Variants in MTRF1L observed in about 807,000 individuals in gnomAD.
The protein encoded by MTRF1L is peptide chain release factor 1-like, mitochondrial.
In MTRF1L, 29 loss-of-function variants were observed where a neutral mutation model predicts 40.0. The ratio of observed to expected loss-of-function variants is 0.73; its 90% CI spans 0.54 to 0.99. MTRF1L has a LOEUF of 0.99. MTRF1L is among the 50% of genes least tolerant of loss of function. The pLI, the probability that MTRF1L is intolerant of heterozygous loss-of-function variation, is 0.00. For missense variants in MTRF1L, 412 were observed against 464.5 expected (o/e 0.89, Z 1.04); for synonymous variants, 150 against 175.8 (o/e 0.85, Z 1.16).
intron 1 of MTRF1L, among the ~76,000 whole-genome samples, chr6:153,000,919 G>T (rs1378702687): frequency 8.4e-5 from 12 of 143,428 alleles, no homozygotes; most frequent in Admixed American, 2.9e-4. Flanking sequence ...TGTCACCCAG[G>T]CTGGAATGCA....
At chr6:152,999,495 A>G (rs1293549988) in intron 1 of MTRF1L, among the ~76,000 whole-genome samples, 2 of 152,198 alleles carry the variant, frequency 1.3e-5, no homozygotes, top group East Asian at 3.8e-4. Context: ...AAAACAAAAA[A>G]TAACCTAAAC....
At chr6:153,002,353 G>C in intron 1 of MTRF1L, 74 bp downstream of exon 1, 1 of 1,607,994 alleles carries the variant, frequency 6.2e-7, no homozygotes, top group Non-Finnish European at 8.5e-7. Context: ...AACTCGGGTA[G>C]TGTGGGCAGT....
intron 1 of MTRF1L, among the ~76,000 whole-genome samples, chr6:153,000,183 ATAATCTCT>A (rs755406387): frequency 3.4e-4 from 51 of 152,228 alleles, no homozygotes; most frequent in Non-Finnish European, 6.6e-4. Context: ...TCTGAGCTGG[ATAATCTCT>A]AAGGTGCCTT....
chr6:152,989,983 C>T lies in MTRF1L; in HGVS notation c.1055G>A (p.Gly352Glu). Residue 352 changes from glycine to glutamate, a missense_variant, in exon 7 of 7, where the codon GGA becomes GAA. Gly to Glu is a moderately conservative substitution (Grantham distance 98). Coordinates refer to ENST00000367233, the MANE Select transcript of MTRF1L (RefSeq NM_019041.7). Reference protein sequence around the residue: ...TLHDLETFMQGDYLLDELVQS... With the variant: ...TLHDLETFMQEDYLLDELVQS... ...TACAAGTTCATCCAGTAGATAATCT[C>T]CTTGCATAAAAGTTTCAAGATCATG... 1 of 1,613,680 alleles carries T rather than the reference C, an allele frequency of 6.2e-7. No individual in the cohort carries two copies. The highest frequency in any genetic ancestry group is 8.5e-7 in the Non-Finnish European group (1 of 1,179,810).
In MTRF1L at chr6:152,998,642, G is replaced by C; in HGVS notation, c.260-13C>G. 1.3e-6 allele frequency: 2 copies of C among 1,570,512 alleles called. No individual in the cohort carries two copies. Among genetic ancestry groups the C allele is most frequent in the Non-Finnish European group, 1.7e-6 (2 of 1,158,602 alleles). ...TCTTCATTCTCATCTAGGAAAAAAA[G>C]GGCAGAAGTTAAGGTTTTCCTTAAT... On this transcript the variant is annotated splice_polypyrimidine_tract_variant and intron_variant, in intron 1 of 6. Coordinates refer to ENST00000367233, the MANE Select transcript of MTRF1L (RefSeq NM_019041.7).
intron 5 of MTRF1L, among the ~76,000 whole-genome samples, 170 bp downstream of exon 5, chr6:152,992,687 G>T (rs565980710): frequency 5.3e-5 from 8 of 152,156 alleles, no homozygotes; most frequent in Non-Finnish European, 1.0e-4. Flanking sequence ...TCGCCTTGCA[G>T]TTATCCCACG....
chr6:152,997,524 G>A (rs190354807), intron 2 of MTRF1L, among the ~76,000 whole-genome samples: 1 of 152,244 alleles, frequency 6.6e-6, no homozygotes, highest in Admixed American at 6.5e-5. Context: ...TGGAGACAAA[G>A]TACAATCAAA....
Position 152,989,813 on chromosome 6 carries a change from A to G in MTRF1L, c.*82T>C. On this transcript the variant is annotated 3_prime_UTR_variant, in exon 7 of 7. Transcript: ENST00000367233. Reference sequence around the variant, plus strand: ...AACTGTGTTAACTCAACGTTTTTCAAGAGAGTAAGGGTACTTTCACCCTAT... The same window carrying G: ...AACTGTGTTAACTCAACGTTTTTCAGGAGAGTAAGGGTACTTTCACCCTAT... 6.9e-7 allele frequency: 1 copy of G among 1,449,602 alleles called. No homozygotes were observed. The highest frequency in any genetic ancestry group is 9.2e-7 in the Non-Finnish European group (1 of 1,090,542). The allele number at this position is 1,449,602 out of a possible 1,614,324, so 89.8% of individuals were successfully genotyped here.
intron 4 of MTRF1L, among the ~76,000 whole-genome samples, chr6:152,993,679 AGT>A (rs974312216): frequency 1.6e-4 from 25 of 152,326 alleles, no homozygotes; most frequent in Non-Finnish European, 2.5e-4. Flanking sequence ...CATGGACCTC[AGT>A]CTCTCATCTT....
chr6:153,002,636 C>A lies in MTRF1L; in HGVS notation c.50G>T (p.Arg17Leu). Reference sequence around the variant, plus strand: ...GGGCCGGCGGGCTGGGCCAACGGCCCGGCGGGGCCAGAGCCACCGGGCAGC... The same window carrying A: ...GGGCCGGCGGGCTGGGCCAACGGCCAGGCGGGGCCAGAGCCACCGGGCAGC... The part of the protein sequence containing the change: ...WGAARWLWPR[R>L]AVGPARRPLS... The change falls in exon 1 of 7, where the codon CGG becomes CTG. Residue 17 changes from arginine to leucine, a missense_variant. By Grantham distance (102) the Arg-to-Leu change is moderately radical. Coordinates refer to ENST00000367233, the MANE Select transcript of MTRF1L (RefSeq NM_019041.7). The A allele has an allele frequency of 6.5e-7, 1 of 1,526,766 alleles. No homozygotes were observed. The highest frequency in any genetic ancestry group is 8.8e-7 in the Non-Finnish European group (1 of 1,138,638). 94.6% of individuals were successfully genotyped at this position (1,526,766 alleles called of 1,614,324 possible). A position where few individuals can be genotyped will look rare whatever the true frequency, so the allele number is the denominator to read the frequency against.
intron 1 of MTRF1L, chr6:152,998,871 A>T: frequency 3.9e-6 from 1 of 254,508 alleles, no homozygotes; most frequent in South Asian, 1.0e-4. Context: ...GATAAAGTAC[A>T]AGTACAAATT....
chr6:152,997,113 G>A (rs562770362), intron 2 of MTRF1L, among the ~76,000 whole-genome samples: 1 of 152,210 alleles, frequency 6.6e-6, no homozygotes, highest in South Asian at 2.1e-4. Context: ...AAGTTTATGG[G>A]GATGATGCCC....
At chr6:152,993,069 A>C (rs1466205863) in intron 4 of MTRF1L, 95 bp from the exon 5 acceptor site, 7 of 860,936 alleles carry the variant, frequency 8.1e-6, no homozygotes, top group Non-Finnish European at 1.3e-5. Flanking sequence ...CATGTACAGA[A>C]TTCATATATT....
chr6:152,999,311 G>A (rs1192701631), intron 1 of MTRF1L, among the ~76,000 whole-genome samples: 9 of 152,116 alleles, frequency 5.9e-5, no homozygotes, highest in Non-Finnish European at 1.3e-4. Flanking sequence ...AAAATTTCTG[G>A]CTATTAACAA....
intron 4 of MTRF1L, among the ~76,000 whole-genome samples, chr6:152,993,420 G>A (rs1778599839): frequency 6.6e-6 from 1 of 152,170 alleles, no homozygotes; most frequent in African/African-American, 2.4e-5. Context: ...AGGCAAAGAT[G>A]AGCCAAATGG....
intron 1 of MTRF1L, among the ~76,000 whole-genome samples, chr6:153,001,479 C>G (rs1210504740): frequency 2.6e-5 from 4 of 152,180 alleles, no homozygotes; most frequent in African/African-American, 4.8e-5. Context: ...TAGACTAGTA[C>G]AGATATCTTT....
rs930884692 is a variant in MTRF1L at position 152,990,272 on chromosome 6, T to C, written c.943-177A>G. The C allele has an allele frequency of 4.3e-6, 4 of 924,102 alleles. No individual in the cohort carries two copies. The African/African-American group carries it at 6.7e-5, about 16-fold the overall frequency. The allele number at this position is 924,102 out of a possible 1,614,324, so 57.2% of individuals were successfully genotyped here. On this transcript the variant is annotated intron_variant, in intron 6 of 6. Transcript: ENST00000367233. ...AACATGATATAGAAAAAAGAACACGTGCTCTAAAATCAGATTAATATCTGA... is the reference window on the plus strand; with the variant it reads ...AACATGATATAGAAAAAAGAACACGCGCTCTAAAATCAGATTAATATCTGA...
chr6:152,988,893 TGACA>T lies in MTRF1L; in HGVS notation c.*998_*1001del. 9.1e-6 allele frequency: 1 copy of T among 109,902 alleles called. No individual in the cohort carries two copies. The highest frequency in any genetic ancestry group is 1.8e-5 in the Non-Finnish European group (1 of 55,602). The allele number at this position is 109,902 out of a possible 1,614,324, so 6.8% of individuals were successfully genotyped here. On this transcript the variant is annotated 3_prime_UTR_variant, in exon 7 of 7. Coordinates refer to ENST00000367233, the MANE Select transcript of MTRF1L (RefSeq NM_019041.7). ...TTAAGGAAGTTTGTCTGGAGAATCT[TGACA>T]AACACAAACATCTACTGAGAGTTCC...
At chr6:152,992,811 A>G in intron 5 of MTRF1L, 46 bp downstream of exon 5, 8 of 1,440,188 alleles carry the variant, frequency 5.6e-6, no homozygotes, top group African/African-American at 1.4e-5. Flanking sequence ...ATATTATTCC[A>G]AAATTGATTT....
Sources: allele counts gnomAD v4.1 joint callset (sites outside exome capture counted in the v4.1 genomes callset), GRCh38; gene constraint gnomAD v4.1.1; transcripts MANE v1.5; gene names NCBI Gene and HGNC (gene_info 2026-07-23, HGNC 2026-07-21).